The following TGM6 variants were observed in gnomAD, a reference collection of about 807,000 sequenced individuals.
TGM6 encodes the protein protein-glutamine gamma-glutamyltransferase 6.
Under a neutral mutation model 77.5 loss-of-function variants are expected in TGM6, and 74 were observed. The ratio of observed to expected loss-of-function variants is 0.96; its 90% confidence interval spans 0.79 to 1.16. The LOEUF (loss-of-function observed/expected upper bound fraction) is 1.16. Ranked by LOEUF, TGM6 falls within the 50% of genes most tolerant of loss-of-function variation. The pLI is 0.00. For synonymous variants in TGM6, 383 were observed against 378.9 expected, an observed-to-expected ratio of 1.01 and a Z score of -0.12; for missense variants, 968 against 940.2, an observed-to-expected ratio of 1.03 and a Z score of -0.39.
chr20:2,405,280 T>C (rs1470906964), intron 9 of TGM6, among the ~76,000 whole-genome samples: 1 of 152,222 alleles, frequency 6.6e-6, no homozygotes, highest in Non-Finnish European at 1.5e-5. Context: ...CACATTCTAT[T>C]GGTCAAAGCA....
intron 4 of TGM6, among the ~76,000 whole-genome samples, chr20:2,397,275 G>C (rs1217222268): frequency 1.3e-5 from 2 of 152,194 alleles, no homozygotes; most frequent in African/African-American, 4.8e-5. Flanking sequence ...TGGGAAGTAG[G>C]GAGTCTTGAG....
chr20:2,432,647 A>T lies in TGM6; in HGVS notation c.*4A>T. ...CCATGTGGCCACTGCCAAGTGATGG[A>T]TCATGAGGGACTGAGAGGGGTGGAT... On this transcript the variant is annotated 3_prime_UTR_variant, in exon 13 of 13. Coordinates refer to ENST00000202625, the MANE Select transcript of TGM6 (RefSeq NM_198994.3). 6.2e-7 allele frequency: 1 copy of T among 1,614,106 alleles called. No individual in the cohort carries two copies. The highest frequency in any genetic ancestry group is 1.1e-5 in the South Asian group (1 of 91,078).
chr20:2,416,212 T>C (rs2084815803), intron 9 of TGM6, among the ~76,000 whole-genome samples: 1 of 152,146 alleles, frequency 6.6e-6, no homozygotes, highest in African/African-American at 2.4e-5. Context: ...CAGCTCTGAG[T>C]GACAGAGTGA....
At position 2,395,486 on chromosome 20, in the gene TGM6, G is replaced by A. The variant is rs1040471164; in HGVS notation, c.424+50G>A. The A allele has an allele frequency of 9.9e-6, 16 of 1,614,018 alleles. No homozygotes were observed. The East Asian group carries it at 3.1e-4, about 31-fold the overall frequency. On this transcript the variant is annotated intron_variant, in intron 3 of 12. Transcript: ENST00000202625. ...GAGGTTTTTCCAAAAGACATCCTTA[G>A]AGGAGAGCCTGCCCTTGGAGGGGGC...
Position 2,430,604 on chromosome 20 carries a change from A to G in TGM6, c.1833+4A>G, listed in dbSNP as rs2084917703. 1.9e-6 allele frequency: 3 copies of G among 1,613,778 alleles called. No homozygotes were observed. The African/African-American group carries it at 4.0e-5, about 22-fold the overall frequency. On this transcript the variant is annotated splice_donor_region_variant and intron_variant, in intron 11 of 12. Coordinates refer to ENST00000202625, the MANE Select transcript of TGM6 (RefSeq NM_198994.3). ...AGAGGACTTCATCACCATCAAGGTG[A>G]CCTCAGCCTGCATCTACCATGCTGT... is the stretch of plus-strand genomic sequence containing the variant.
At chr20:2,404,775 G>T (rs1323667772) in intron 9 of TGM6, among the ~76,000 whole-genome samples, 2 of 151,952 alleles carry the variant, frequency 1.3e-5, no homozygotes, top group Non-Finnish European at 2.9e-5. Flanking sequence ...CAAGTAGCTG[G>T]GATTACAGGT....
In TGM6 at chr20:2,417,381, G is replaced by C; in HGVS notation, c.1486G>C (p.Ala496Pro). 1 of 1,613,696 alleles carries C rather than the reference G, an allele frequency of 6.2e-7. No individual in the cohort carries two copies. Among genetic ancestry groups the C allele is most frequent in the Non-Finnish European group, 8.5e-7 (1 of 1,179,970 alleles). Residue 496 changes from alanine to proline, a missense_variant, in exon 10 of 13, where the codon GCT becomes CCT. Coordinates refer to ENST00000202625, the MANE Select transcript of TGM6 (RefSeq NM_198994.3). ...GGAGCCTGCCACCAAGCCCAGCATC[G>C]CTGGCAAGTTCAAGGTGCTAGAGCC... ...LLEPATKPSIAGKFKVLEPPM... is the reference protein window; with the variant it reads ...LLEPATKPSIPGKFKVLEPPM...
chr20:2,400,113 G>C (rs376752006), intron 6 of TGM6, among the ~76,000 whole-genome samples, 193 bp from the exon 7 acceptor site: 9 of 152,198 alleles, frequency 5.9e-5, no homozygotes, highest in African/African-American at 2.2e-4. Flanking sequence ...TTGAGAGAAC[G>C]TGCAGGAGAT....
At position 2,405,769 on chromosome 20, in the gene TGM6, T is replaced by A. The variant is rs571829094; in HGVS notation, c.1336+1946T>A. ...AAGTTCTGCAGAGGTTTTACAAGGC[T>A]GTGGCCCCCAACCCTAACCTCCACT... On this transcript the variant is annotated intron_variant, in intron 9 of 12. Coordinates refer to ENST00000202625, the MANE Select transcript of TGM6 (RefSeq NM_198994.3). 5.3e-5 allele frequency among the ~76,000 whole-genome samples: 8 copies of A among 152,330 alleles called. No individual in the cohort carries two copies. The East Asian group carries it at 1.5e-3, about 29-fold the overall frequency.
At chr20:2,420,373 G>A (rs1231923312) in intron 10 of TGM6, among the ~76,000 whole-genome samples, 2 of 152,092 alleles carry the variant, frequency 1.3e-5, no homozygotes, top group African/African-American at 2.4e-5. Flanking sequence ...GGGAAGTACA[G>A]AGAGTTCCCA....
chr20:2,424,308 A>G (rs939421611), intron 10 of TGM6, among the ~76,000 whole-genome samples: 2 of 152,220 alleles, frequency 1.3e-5, no homozygotes, highest in African/African-American at 4.8e-5. Flanking sequence ...TTATGTAGCC[A>G]TCTTCACCAA....
Position 2,417,488 on chromosome 20 carries a change from G to A in TGM6, c.1593G>A (p.Leu531=). 6.2e-7 allele frequency: 1 copy of A among 1,609,242 alleles called. No individual in the cohort carries two copies. Among genetic ancestry groups the A allele is most frequent in the Non-Finnish European group, 8.5e-7 (1 of 1,179,908 alleles). The part of the protein sequence containing the change: ...TSRAQRVRVN[L]SGATILYTRK... ...GGGCCCAGCGGGTGAGGGTCAACCTGAGCGGTGCCACCATCCTCTATACCC... is the reference window on the plus strand; with the variant it reads ...GGGCCCAGCGGGTGAGGGTCAACCTAAGCGGTGCCACCATCCTCTATACCC... Residue 531 remains leucine (L), a synonymous_variant, in exon 10 of 13, where the codon CTG becomes CTA. Coordinates refer to ENST00000202625, the MANE Select transcript of TGM6 (RefSeq NM_198994.3).
rs1234541203 is a variant in TGM6, at chr20:2,394,631, T to C, written c.181+6T>C. On this transcript the variant is annotated splice_donor_region_variant and intron_variant, in intron 2 of 12. Coordinates refer to ENST00000202625, the MANE Select transcript of TGM6 (RefSeq NM_198994.3). ...CATCTTCACGATGGAGACAGGTAACTGGGCTTGCCAGCACCCTCTTCTCGT... is the reference window on the plus strand; with the variant it reads ...CATCTTCACGATGGAGACAGGTAACCGGGCTTGCCAGCACCCTCTTCTCGT... 6.2e-7 allele frequency: 1 copy of C among 1,606,338 alleles called. No individual in the cohort carries two copies. Among genetic ancestry groups the C allele is most frequent in the Non-Finnish European group, 8.5e-7 (1 of 1,177,130 alleles).
intron 1 of TGM6, among the ~76,000 whole-genome samples, chr20:2,385,361 AG>A (rs1318893302): frequency 6.7e-6 from 1 of 150,008 alleles, no homozygotes; most frequent in Non-Finnish European, 1.5e-5. Context: ...TCGGCTGGGG[AG>A]GGGGGAGGTG....
At chr20:2,402,665 G>A (rs1707958859) in intron 7 of TGM6, among the ~76,000 whole-genome samples, 1 of 152,176 alleles carries the variant, frequency 6.6e-6, no homozygotes, top group South Asian at 2.1e-4. Context: ...CGGGAATCAG[G>A]TTTCTGTCTG....
chr20:2,415,932 C>T (rs77312793), intron 9 of TGM6, among the ~76,000 whole-genome samples: 7,704 of 152,160 alleles, frequency 0.051, 297 homozygotes, highest in Non-Finnish European at 0.072. Flanking sequence ...GGAGCCCCAC[C>T]GATAGAACCC....
At chr20:2,420,223 C>T (rs1457329812) in intron 10 of TGM6, among the ~76,000 whole-genome samples, 2 of 151,442 alleles carry the variant, frequency 1.3e-5, no homozygotes, top group Admixed American at 1.3e-4. Flanking sequence ...CCAGCCTGGG[C>T]AACAGAGAGA....
intron 9 of TGM6, among the ~76,000 whole-genome samples, chr20:2,414,901 G>A (rs2084804657): frequency 7.3e-6 from 1 of 137,022 alleles, no homozygotes; most frequent in South Asian, 2.5e-4. Context: ...GGGTGGGGAG[G>A]AATGGGAAGT....
chr20:2,393,033 C>T (rs951215373), intron 1 of TGM6, among the ~76,000 whole-genome samples: 5 of 152,206 alleles, frequency 3.3e-5, no homozygotes, highest in African/African-American at 9.7e-5. Context: ...AGGGCAAGCC[C>T]ACATCTATAT....
Sources: gnomAD v4.1 joint callset for allele counts (sites outside exome capture counted in the v4.1 genomes callset) on GRCh38, gnomAD v4.1.1 for gene constraint, MANE v1.5 for transcripts, NCBI Gene and HGNC (gene_info 2026-07-23, HGNC 2026-07-21) for gene names.